ERBB4: variants seen among roughly 807,000 people sequenced by gnomAD.
The protein encoded by ERBB4 is receptor tyrosine-protein kinase erbB-4.
Under a neutral mutation model 158.0 loss-of-function variants are expected in ERBB4, and 42 were observed. The observed-to-expected ratio is 0.27, with a 90% CI of 0.21 to 0.34. The LOEUF (loss-of-function observed/expected upper bound fraction) is 0.34. Among genes scored for constraint, ERBB4 ranks in the 10% least tolerant of loss-of-function variants. ERBB4 has a pLI of 1.00. For synonymous variants in ERBB4, 583 were observed against 558.7 expected (o/e 1.04, Z -0.61); for missense variants, 1,333 against 1,624.1 (o/e 0.82, Z 3.08).
At chr2:211,984,794 C>T (rs2081895615) in intron 2 of ERBB4, among the ~76,000 whole-genome samples, 2 of 152,048 alleles carry the variant, frequency 1.3e-5, no homozygotes, top group Non-Finnish European at 1.5e-5. Context: ...ACGACCTTGG[C>T]TCACTGCAAC....
chr2:212,323,297 T>C (rs1272056799), intron 1 of ERBB4, among the ~76,000 whole-genome samples: 1 of 150,712 alleles, frequency 6.6e-6, no homozygotes, highest in East Asian at 2.0e-4. Flanking sequence ...CATCATCCTA[T>C]CTAAGCTCAG....
chr2:211,583,032 G>A (rs2068150526), intron 19 of ERBB4, among the ~76,000 whole-genome samples: 1 of 152,020 alleles, frequency 6.6e-6, no homozygotes, highest in Non-Finnish European at 1.5e-5. Flanking sequence ...TTTTGAAAAT[G>A]TGATGGAAAT....
chr2:211,985,934 G>C (rs2081926182), intron 2 of ERBB4, among the ~76,000 whole-genome samples: 1 of 152,064 alleles, frequency 6.6e-6, no homozygotes, highest in Non-Finnish European at 1.5e-5. Flanking sequence ...GTCCACCCAG[G>C]ACCTCAGACT....
In ERBB4 at chr2:212,449,972, A is replaced by G. The variant is rs148114888; in HGVS notation, c.82+88477T>C. On this transcript the variant is annotated intron_variant, in intron 1 of 27. Coordinates refer to ENST00000342788, the MANE Select transcript of ERBB4 (RefSeq NM_005235.3). The stretch of plus-strand genomic sequence containing the variant: ...CATTCAAGGCATTAGCAGAAAGAGC[A>G]TAAGTTATGGGAATGACCTTGCCTA... Among the ~76,000 whole-genome samples the G allele has an allele frequency of 3.3e-3, 510 of 152,312 alleles. 4 individuals carry two copies. The highest frequency in any genetic ancestry group is 0.014 in the Admixed American group (217 of 15,296).
At chr2:211,745,779 T>TA (rs1225554054) in intron 5 of ERBB4, among the ~76,000 whole-genome samples, 4 of 148,648 alleles carry the variant, frequency 2.7e-5, no homozygotes, top group African/African-American at 9.8e-5. Flanking sequence ...ATTTTATAGA[T>TA]ATGGTAATGA....
At chr2:212,215,899 T>G (rs571997773) in intron 1 of ERBB4, among the ~76,000 whole-genome samples, 2 of 151,444 alleles carry the variant, frequency 1.3e-5, no homozygotes, top group African/African-American at 4.8e-5. Flanking sequence ...ATAGATGCAA[T>G]AGATCACAAA....
At chr2:211,991,360 AGC>A (rs2082071015) in intron 2 of ERBB4, among the ~76,000 whole-genome samples, 6 of 152,296 alleles carry the variant, frequency 3.9e-5, no homozygotes, top group African/African-American at 1.4e-4. Flanking sequence ...CAATGACTAA[AGC>A]TTTTACATTT....
intron 1 of ERBB4, among the ~76,000 whole-genome samples, chr2:212,297,530 G>A (rs997731168): frequency 6.6e-6 from 1 of 151,476 alleles, no homozygotes; most frequent in Non-Finnish European, 1.5e-5. Flanking sequence ...TTTTATAAAG[G>A]GATAATATAT....
chr2:211,485,692 C>G (rs1379289202), intron 20 of ERBB4, among the ~76,000 whole-genome samples: 1 of 140,562 alleles, frequency 7.1e-6, no homozygotes, highest in Admixed American at 7.7e-5. Flanking sequence ...AGGAACATGT[C>G]GCACCCCAAA....
chr2:212,242,286 G>A (rs901433708), intron 1 of ERBB4, among the ~76,000 whole-genome samples: 12 of 151,864 alleles, frequency 7.9e-5, no homozygotes, highest in Admixed American at 6.6e-5. Flanking sequence ...AAGTAGTTCC[G>A]AGTCCTAGTT....
At chr2:211,452,455 C>T (rs903184149) in intron 20 of ERBB4, among the ~76,000 whole-genome samples, 2 of 152,116 alleles carry the variant, frequency 1.3e-5, no homozygotes, top group African/African-American at 4.8e-5. Context: ...GGATTACAGG[C>T]GTGAGCCACC....
chr2:211,527,437 A>G (rs963064819), intron 20 of ERBB4, among the ~76,000 whole-genome samples: 4 of 152,138 alleles, frequency 2.6e-5, no homozygotes, highest in Non-Finnish European at 4.4e-5. Flanking sequence ...CCTGTCCTAC[A>G]AGAAATGGTA....
At chr2:212,255,941 C>T (rs980636839) in intron 1 of ERBB4, among the ~76,000 whole-genome samples, 1 of 151,844 alleles carries the variant, frequency 6.6e-6, no homozygotes, top group African/African-American at 2.4e-5. Context: ...CCACCTCAGC[C>T]TCCTGAGTAC....
chr2:211,645,149 A>G (rs1467015390), intron 16 of ERBB4, among the ~76,000 whole-genome samples: 1 of 151,820 alleles, frequency 6.6e-6, no homozygotes, highest in Non-Finnish European at 1.5e-5. Context: ...ACTCTAGAGA[A>G]CAAAAGTGTA....
At chr2:211,755,670 T>C (rs2075273860) in intron 4 of ERBB4, among the ~76,000 whole-genome samples, 1 of 152,226 alleles carries the variant, frequency 6.6e-6, no homozygotes, top group Non-Finnish European at 1.5e-5. Flanking sequence ...CAGCGGATGT[T>C]ACTAAAAATG....
chr2:211,918,965 C>T (rs1317064764), intron 3 of ERBB4, among the ~76,000 whole-genome samples: 1 of 152,114 alleles, frequency 6.6e-6, no homozygotes, highest in Admixed American at 6.6e-5. Context: ...AACTGATATA[C>T]TAACTGCTGT....
intron 20 of ERBB4, among the ~76,000 whole-genome samples, chr2:211,475,097 G>A (rs1288120259): frequency 1.3e-5 from 2 of 151,952 alleles, no homozygotes; most frequent in Non-Finnish European, 2.9e-5. Context: ...TTTTCCACAG[G>A]CTCTTTTATT....
chr2:211,611,637 T>G (rs1040776264), intron 19 of ERBB4, among the ~76,000 whole-genome samples: 2 of 152,162 alleles, frequency 1.3e-5, no homozygotes, highest in Admixed American at 1.3e-4. Flanking sequence ...TTTGCCAAAA[T>G]CTGTGATAAA....
At chr2:212,227,203 C>T (rs2083500496) in intron 1 of ERBB4, among the ~76,000 whole-genome samples, 1 of 150,582 alleles carries the variant, frequency 6.6e-6, no homozygotes, top group African/African-American at 2.5e-5. Flanking sequence ...CAAGATCAGA[C>T]CACAGCATTC....
Sources: gnomAD v4.1 joint callset for allele counts (sites outside exome capture counted in the v4.1 genomes callset) on GRCh38, gnomAD v4.1.1 for gene constraint, MANE v1.5 for transcripts, NCBI Gene and HGNC (gene_info 2026-07-23, HGNC 2026-07-21) for gene names.